SLC35F1: variants seen among roughly 807,000 people sequenced by gnomAD.
SLC35F1 encodes chromosome 6 open reading frame 169.
In SLC35F1, 14 loss-of-function variants were observed where a neutral mutation model predicts 48.7. The observed-to-expected ratio is 0.29, with a 90% confidence interval of 0.19 to 0.45. SLC35F1 has a LOEUF of 0.45. SLC35F1 is among the 20% of genes least tolerant of loss of function. The probability of loss-of-function intolerance (pLI) is 1.00; values close to 1 mark genes in which losing one functional copy is unlikely to be tolerated. For synonymous variants in SLC35F1, 190 were observed against 202.2 expected (o/e 0.94, Z 0.51); for missense variants, 404 against 500.0 (o/e 0.81, Z 1.83).
rs571851157 is a variant in SLC35F1, at chr6:118,139,137, G to C, written c.174-15308G>C. The stretch of plus-strand genomic sequence containing the variant: ...TTCTTTTTTTTTGTTTTTTGAGACG[G>C]AGTCTCGCTCTAGTGCCCAGGCTGG... On this transcript the variant is annotated intron_variant, in intron 1 of 7. Coordinates refer to ENST00000360388, the MANE Select transcript of SLC35F1 (RefSeq NM_001029858.4). Among the ~76,000 whole-genome samples the C allele has an allele frequency of 3.9e-4, 60 of 152,200 alleles. No individual in the cohort carries two copies. The South Asian group carries it at 0.012, about 30-fold the overall frequency.
At chr6:117,995,146 C>T (rs1344050782) in intron 1 of SLC35F1, among the ~76,000 whole-genome samples, 2 of 152,156 alleles carry the variant, frequency 1.3e-5, no homozygotes, top group Admixed American at 6.5e-5. Context: ...TACTATTTTG[C>T]AAGGTAACTA....
rs758847896 is a variant in SLC35F1, at chr6:118,256,377, G to A, written c.478-10618G>A. Among the ~76,000 whole-genome samples the A allele has an allele frequency of 2.5e-4, 38 of 152,250 alleles. 1 individual carries two copies. The highest frequency in any genetic ancestry group is 4.9e-4 in the Non-Finnish European group (33 of 68,016). On this transcript the variant is annotated intron_variant, in intron 3 of 7. Transcript: ENST00000360388. ...ATTGCCAATTAGAAGCAGAGGAAGG[G>A]AGAGTGGGGAAATGTTCTCTTTCCT...
chr6:118,142,841 A>G (rs549080094), intron 1 of SLC35F1, among the ~76,000 whole-genome samples: 2 of 152,240 alleles, frequency 1.3e-5, no homozygotes, highest in Non-Finnish European at 2.9e-5. Flanking sequence ...TTTTGATGCA[A>G]AGAATGATGA....
intron 1 of SLC35F1, among the ~76,000 whole-genome samples, chr6:118,061,802 CTCAT>C (rs1772543971): frequency 6.6e-6 from 1 of 152,036 alleles, no homozygotes; most frequent in African/African-American, 2.4e-5. Flanking sequence ...TAGTTAGAGT[CTCAT>C]AAGGAGCATG....
At chr6:117,980,820 G>A (rs1776767181) in intron 1 of SLC35F1, among the ~76,000 whole-genome samples, 2 of 152,182 alleles carry the variant, frequency 1.3e-5, no homozygotes, top group South Asian at 4.1e-4. Context: ...TGATGAAAGT[G>A]GAGGAGTTCA....
intron 2 of SLC35F1, among the ~76,000 whole-genome samples, chr6:118,184,666 T>C (rs1314095588): frequency 6.6e-6 from 1 of 152,184 alleles, no homozygotes; most frequent in East Asian, 1.9e-4. Context: ...AAAATAAGTC[T>C]TCTGGAAGGA....
At chr6:118,106,207 C>A (rs1442692574) in intron 1 of SLC35F1, among the ~76,000 whole-genome samples, 1 of 152,138 alleles carries the variant, frequency 6.6e-6, no homozygotes, top group Non-Finnish European at 1.5e-5. Flanking sequence ...CTAATAATGA[C>A]CCCTCTTCCT....
chr6:118,243,232 G>A (rs769460805), intron 3 of SLC35F1, among the ~76,000 whole-genome samples: 8 of 152,100 alleles, frequency 5.3e-5, no homozygotes, highest in Non-Finnish European at 8.8e-5. Flanking sequence ...ACAGAGAAAG[G>A]CCAAGTTGTT....
chr6:118,002,036 A>G (rs1235399185), intron 1 of SLC35F1, among the ~76,000 whole-genome samples: 2 of 147,346 alleles, frequency 1.4e-5, no homozygotes, highest in Non-Finnish European at 3.0e-5. Flanking sequence ...TGTGGAAGTC[A>G]GTGTGGCGAT....
At chr6:118,001,477 G>A (rs1777093101) in intron 1 of SLC35F1, among the ~76,000 whole-genome samples, 3 of 152,198 alleles carry the variant, frequency 2.0e-5, no homozygotes, top group African/African-American at 7.2e-5. Context: ...TTAAACGTCA[G>A]ATCTAAAACC....
intron 1 of SLC35F1, among the ~76,000 whole-genome samples, chr6:118,076,284 A>T (rs1423151432): frequency 3.3e-5 from 5 of 152,192 alleles, no homozygotes; most frequent in African/African-American, 1.2e-4. Context: ...ATTTACCTTT[A>T]ACCTATTTAT....
intron 1 of SLC35F1, among the ~76,000 whole-genome samples, chr6:118,061,294 A>G (rs1440674254): frequency 6.6e-6 from 1 of 152,224 alleles, no homozygotes; most frequent in African/African-American, 2.4e-5. Context: ...AGCTGCTGGT[A>G]ACTAAAACAG....
At chr6:118,246,305 C>T (rs1056293111) in intron 3 of SLC35F1, among the ~76,000 whole-genome samples, 4 of 152,192 alleles carry the variant, frequency 2.6e-5, no homozygotes, top group Non-Finnish European at 5.9e-5. Flanking sequence ...GACCGGCCCT[C>T]TTTTTCTTCA....
chr6:118,064,921 A>T (rs1449215491), intron 1 of SLC35F1, among the ~76,000 whole-genome samples: 1 of 152,174 alleles, frequency 6.6e-6, no homozygotes. Flanking sequence ...AACACAGGAA[A>T]CCAATGCAAG....
chr6:118,283,897 G>A (rs189938345), intron 6 of SLC35F1, among the ~76,000 whole-genome samples: 4 of 151,698 alleles, frequency 2.6e-5, no homozygotes, highest in Admixed American at 1.3e-4. Context: ...ATATTACTGC[G>A]ATAGAATCTA....
intron 7 of SLC35F1, 53 bp downstream of exon 7, chr6:118,285,391 A>G: frequency 6.3e-7 from 1 of 1,599,978 alleles, no homozygotes; most frequent in Non-Finnish European, 8.6e-7. Context: ...GGAAACAATG[A>G]ACATGGGTAG....
intron 1 of SLC35F1, among the ~76,000 whole-genome samples, chr6:118,135,242 C>T (rs2114430482): frequency 6.6e-6 from 1 of 152,310 alleles, no homozygotes; most frequent in South Asian, 2.1e-4. Context: ...AATTTTGCCT[C>T]TTATTTGTTA....
rs116980697 is a variant in SLC35F1, at chr6:118,189,311, G to A, written c.349+34691G>A. 4.2e-3 allele frequency among the ~76,000 whole-genome samples: 640 copies of A among 152,198 alleles called. 6 individuals carry two copies. Among genetic ancestry groups the A allele is most frequent in the South Asian group, 0.023 (109 of 4,818 alleles). On this transcript the variant is annotated intron_variant, in intron 2 of 7. Transcript: ENST00000360388. ...TTTCTTGATAATAGCCATTCTAACA[G>A]GTGTGAGTAATATCACACTGTAGTT...
At chr6:118,129,311 C>T (rs1390040963) in intron 1 of SLC35F1, among the ~76,000 whole-genome samples, 1 of 151,786 alleles carries the variant, frequency 6.6e-6, no homozygotes. Context: ...AGTGAGCATT[C>T]CAGGTAGTGG....
Sources: gnomAD v4.1 joint callset for allele counts (sites outside exome capture counted in the v4.1 genomes callset) on GRCh38, gnomAD v4.1.1 for gene constraint, MANE v1.5 for transcripts, NCBI Gene and HGNC (gene_info 2026-07-23, HGNC 2026-07-21) for gene names.